DPYD: variants seen among roughly 807,000 people sequenced by gnomAD.
DPYD encodes dihydropyrimidine dehydrogenase.
In DPYD, 109 loss-of-function variants were observed where a neutral mutation model predicts 116.2. The ratio of observed to expected loss-of-function variants is 0.94; its 90% confidence interval spans 0.80 to 1.10. The LOEUF (loss-of-function observed/expected upper bound fraction) is 1.10. Ranked by LOEUF, DPYD falls within the 50% of genes least tolerant of loss-of-function variation. DPYD has a pLI of 0.00. For missense variants in DPYD, 1,302 were observed against 1,254.5 expected (o/e 1.04, Z -0.57); for synonymous variants, 440 against 432.0 (o/e 1.02, Z -0.23).
At chr1:97,278,678 G>T (rs1665111187) in intron 18 of DPYD, among the ~76,000 whole-genome samples, 1 of 152,206 alleles carries the variant, frequency 6.6e-6, no homozygotes, top group Non-Finnish European at 1.5e-5. Context: ...GATGTGTACA[G>T]TTGAAAATAA....
chr1:97,103,524 A>T (rs558782967), intron 20 of DPYD, among the ~76,000 whole-genome samples: 20 of 152,148 alleles, frequency 1.3e-4, no homozygotes, highest in Non-Finnish European at 2.6e-4. Flanking sequence ...GACATGTAAA[A>T]TATATGAAAT....
chr1:97,164,913 T>A (rs1406593843), intron 20 of DPYD, among the ~76,000 whole-genome samples: 1 of 151,880 alleles, frequency 6.6e-6, no homozygotes, highest in Non-Finnish European at 1.5e-5. Flanking sequence ...TTTCACCATG[T>A]TAGCCAGGAT....
At chr1:97,402,620 T>G (rs1673436266) in intron 14 of DPYD, among the ~76,000 whole-genome samples, 1 of 152,098 alleles carries the variant, frequency 6.6e-6, no homozygotes, top group Admixed American at 6.6e-5. Context: ...TTATTTTGTC[T>G]TATTAGCTAG....
At chr1:97,258,991 C>T (rs984666265) in intron 18 of DPYD, among the ~76,000 whole-genome samples, 1 of 152,040 alleles carries the variant, frequency 6.6e-6, no homozygotes, top group Non-Finnish European at 1.5e-5. Flanking sequence ...TCAACAGTGT[C>T]AAGAGGACTC....
intron 13 of DPYD, among the ~76,000 whole-genome samples, chr1:97,481,608 T>C (rs1557742139): frequency 6.6e-6 from 1 of 152,164 alleles, no homozygotes; most frequent in Non-Finnish European, 1.5e-5. Context: ...AAAAAGTGAG[T>C]TAATAATACC....
intron 11 of DPYD, among the ~76,000 whole-genome samples, chr1:97,566,985 A>G (rs1652561771): frequency 6.6e-6 from 1 of 152,200 alleles, no homozygotes; most frequent in African/African-American, 2.4e-5. Context: ...GAATACCTAA[A>G]TAATATAATG....
chr1:97,919,281 A>C (rs1408967749), intron 1 of DPYD, among the ~76,000 whole-genome samples: 1 of 152,218 alleles, frequency 6.6e-6, no homozygotes, highest in African/African-American at 2.4e-5. Context: ...TATTAGGCAA[A>C]CTGGCCATAT....
chr1:97,377,216 T>G (rs774409120), intron 15 of DPYD, among the ~76,000 whole-genome samples: 10 of 151,670 alleles, frequency 6.6e-5, no homozygotes, highest in Admixed American at 3.9e-4. Flanking sequence ...AAATGAAAGG[T>G]GCCAAAAAAG....
chr1:97,720,972 TAC>T, intron 5 of DPYD: 1 of 1,593,720 alleles, frequency 6.3e-7, no homozygotes, highest in South Asian at 1.1e-5. Context: ...TATTTCCTTA[TAC>T]ATTTTTTACC....
chr1:97,186,389 T>A (rs533357294), intron 20 of DPYD, among the ~76,000 whole-genome samples: 1 of 152,238 alleles, frequency 6.6e-6, no homozygotes, highest in African/African-American at 2.4e-5. Flanking sequence ...ATATCCTGCT[T>A]CTACCCAATT....
chr1:97,533,711 A>T (rs970818682), intron 12 of DPYD, among the ~76,000 whole-genome samples: 3 of 152,194 alleles, frequency 2.0e-5, no homozygotes, highest in African/African-American at 7.2e-5. Flanking sequence ...AGTCAACAAC[A>T]TATCAGCCAA....
chr1:97,908,257 G>A (rs1244727931), intron 1 of DPYD, among the ~76,000 whole-genome samples: 1 of 151,916 alleles, frequency 6.6e-6, no homozygotes, highest in South Asian at 2.1e-4. Flanking sequence ...TATTGCCCGG[G>A]CTGGTCTTGA....
chr1:97,661,036 T>C (rs1156868927), intron 8 of DPYD, among the ~76,000 whole-genome samples: 1 of 152,122 alleles, frequency 6.6e-6, no homozygotes, highest in Non-Finnish European at 1.5e-5. Context: ...GATTTACCTC[T>C]CCATAATTAT....
chr1:97,424,457 A>G (rs1197217666), intron 14 of DPYD, among the ~76,000 whole-genome samples: 1 of 152,096 alleles, frequency 6.6e-6, no homozygotes, highest in Non-Finnish European at 1.5e-5. Flanking sequence ...CACAGTGTGA[A>G]AACAAGACCT....
chr1:97,287,857 G>A (rs1570433751), intron 18 of DPYD, among the ~76,000 whole-genome samples: 2 of 152,000 alleles, frequency 1.3e-5, no homozygotes, highest in South Asian at 4.2e-4. Flanking sequence ...CTAGGAAAGG[G>A]AACTCCCTAG....
intron 20 of DPYD, among the ~76,000 whole-genome samples, chr1:97,151,590 G>A (rs1031886913): frequency 5.9e-5 from 9 of 152,238 alleles, no homozygotes; most frequent in African/African-American, 1.7e-4. Flanking sequence ...CAGGACAATC[G>A]ATTGAACCTG....
At chr1:97,580,819 C>A (rs930971556) in intron 10 of DPYD, among the ~76,000 whole-genome samples, 2 of 152,128 alleles carry the variant, frequency 1.3e-5, no homozygotes, top group Non-Finnish European at 2.9e-5. Context: ...TTGATTTAGC[C>A]AACAGGATTA....
chr1:97,863,230 G>T (rs1218116506), intron 2 of DPYD, among the ~76,000 whole-genome samples: 1 of 151,818 alleles, frequency 6.6e-6, no homozygotes, highest in African/African-American at 2.4e-5. Context: ...ATAAAGAAAT[G>T]CCATATGATC....
intron 20 of DPYD, among the ~76,000 whole-genome samples, chr1:97,186,573 G>A (rs1658006185): frequency 3.3e-5 from 5 of 152,178 alleles, no homozygotes. Flanking sequence ...CCTCCAGAGG[G>A]CACAGTGGCT....
Sources: allele counts gnomAD v4.1 joint callset (sites outside exome capture counted in the v4.1 genomes callset), GRCh38; gene constraint gnomAD v4.1.1; transcripts MANE v1.5; gene names NCBI Gene and HGNC (gene_info 2026-07-23, HGNC 2026-07-21).